UPF3A: variants seen among roughly 807,000 people sequenced by gnomAD.
The protein encoded by UPF3A is UPF3A regulator of nonsense mediated mRNA decay, also known as regulator of nonsense transcripts 3A.
Under a neutral mutation model 53.5 loss-of-function variants are expected in UPF3A, and 42 were observed. The observed-to-expected ratio is 0.78, with a 90% CI of 0.61 to 1.01. The LOEUF is 1.01. UPF3A is among the 50% of genes least tolerant of loss of function. The pLI is 0.00. For synonymous variants in UPF3A, 237 were observed against 225.3 expected (o/e 1.05, Z -0.47); for missense variants, 575 against 598.0 (o/e 0.96, Z 0.40).
chr13:114,296,055 C>T (rs1040695836), intron 7 of UPF3A, among the ~76,000 whole-genome samples: 6 of 152,170 alleles, frequency 3.9e-5, no homozygotes, highest in Non-Finnish European at 8.8e-5. Context: ...TAATCAGTCA[C>T]ACCTACATAA....
chr13:114,286,273 G>T (rs1290013236), intron 3 of UPF3A, 29 bp from the exon 4 acceptor site: 1 of 1,608,374 alleles, frequency 6.2e-7, no homozygotes, highest in South Asian at 1.1e-5. Context: ...ATTTCAGAAT[G>T]GCTTCTGGAA....
At chr13:114,290,583 G>T (rs1201007675) in intron 5 of UPF3A, among the ~76,000 whole-genome samples, 1 of 152,130 alleles carries the variant, frequency 6.6e-6, no homozygotes, top group Non-Finnish European at 1.5e-5. Context: ...GCTTGCCTGG[G>T]CACCCACATC....
chr13:114,284,227 TG>T (rs1373378536), intron 3 of UPF3A: 1 of 226,446 alleles, frequency 4.4e-6, no homozygotes, highest in Non-Finnish European at 7.3e-6. Flanking sequence ...CCAGGCATGG[TG>T]GCAGGCGCCT....
At chr13:114,293,837 G>A (rs1051391559) in intron 7 of UPF3A, among the ~76,000 whole-genome samples, 3 of 152,158 alleles carry the variant, frequency 2.0e-5, no homozygotes, top group Admixed American at 6.5e-5. Context: ...AAACAGAAAA[G>A]TTGGCTGGGT....
At chr13:114,300,483 T>G (rs1316308794) in intron 8 of UPF3A, among the ~76,000 whole-genome samples, 2 of 152,112 alleles carry the variant, frequency 1.3e-5, no homozygotes, top group Non-Finnish European at 2.9e-5. Context: ...GCAATTCTGC[T>G]TCAGCCTCCC....
rs910248169 is a variant in UPF3A at position 114,304,941 on chromosome 13, A to G, written c.*24A>G. On this transcript the variant is annotated 3_prime_UTR_variant, in exon 10 of 10. Transcript: ENST00000375299. Reference sequence around the variant, plus strand: ...GAGTCACTGCACGCACCTGGCCTCCATGGACGAGCAAGGGCATCCCAGAAA... The same window carrying G: ...GAGTCACTGCACGCACCTGGCCTCCGTGGACGAGCAAGGGCATCCCAGAAA... 2 of 1,606,160 alleles carry G rather than the reference A, an allele frequency of 1.2e-6. No homozygotes were observed. The highest frequency in any genetic ancestry group is 1.7e-6 in the Non-Finnish European group (2 of 1,176,388).
rs371756841 is a variant in UPF3A, at chr13:114,304,927, C to T, written c.*10C>T. The T allele has an allele frequency of 1.9e-4, 310 of 1,610,758 alleles. No individual in the cohort carries two copies. The highest frequency in any genetic ancestry group is 8.8e-4 in the Middle Eastern group (5 of 5,680). On this transcript the variant is annotated 3_prime_UTR_variant, in exon 10 of 10. Transcript: ENST00000375299. The stretch of plus-strand genomic sequence containing the variant: ...GGAAGAGGCAGAGTGAGTCACTGCA[C>T]GCACCTGGCCTCCATGGACGAGCAA...
At chr13:114,283,138 C>T (rs2084297396) in intron 3 of UPF3A, 195 bp downstream of exon 3, 3 of 480,920 alleles carry the variant, frequency 6.2e-6, no homozygotes, top group Non-Finnish European at 1.1e-5. Flanking sequence ...CCTCCAGCCT[C>T]CTAGGTAGCA....
chr13:114,304,683 T>A, intron 9 of UPF3A, 106 bp from the exon 10 acceptor site: 1 of 1,471,234 alleles, frequency 6.8e-7, no homozygotes, highest in Non-Finnish European at 9.1e-7. Context: ...GCCTAGTTGA[T>A]TTTCTTTGGA....
intron 7 of UPF3A, among the ~76,000 whole-genome samples, chr13:114,294,757 A>G (rs535195332): frequency 5.4e-5 from 8 of 148,688 alleles, no homozygotes; most frequent in African/African-American, 2.0e-4. Context: ...CCTGGGAGGC[A>G]GAGGTTGCAG....
intron 3 of UPF3A, chr13:114,285,153 G>A (rs973823266): frequency 1.3e-5 from 2 of 152,332 alleles, no homozygotes; most frequent in Non-Finnish European, 1.5e-5. Context: ...TTCTGGCTGT[G>A]GATATCCAGT....
At chr13:114,283,792 C>T in intron 3 of UPF3A, 1 of 985,636 alleles carries the variant, frequency 1.0e-6, no homozygotes, top group Non-Finnish European at 1.2e-6. Context: ...GTCAGGCTGT[C>T]TGCTGTTGTG....
intron 8 of UPF3A, among the ~76,000 whole-genome samples, chr13:114,299,830 C>T (rs2086426667): frequency 1.3e-5 from 2 of 152,338 alleles, no homozygotes; most frequent in South Asian, 4.1e-4. Context: ...CCACTTGGCC[C>T]ACAGGGGATG....
chr13:114,281,826 A>C lies in UPF3A; in HGVS notation c.187A>C (p.Lys63Gln). The C allele has an allele frequency of 6.5e-7, 1 of 1,535,126 alleles. No individual in the cohort carries two copies. Among genetic ancestry groups the C allele is most frequent in the South Asian group, 1.2e-5 (1 of 83,402 alleles). The change falls in exon 1 of 10, where the codon AAG becomes CAG. Residue 63 changes from lysine (K) to glutamine (Q), a missense_variant. Transcript: ENST00000375299. ...GGGAGKPREEKRTALSKVVIR... is the reference protein window; with the variant it reads ...GGGAGKPREEQRTALSKVVIR... ...CGGTGCGGGCAAACCTCGCGAGGAGAAGAGGACGGCCCTGAGCAAGGTGGG... is the reference window on the plus strand; with the variant it reads ...CGGTGCGGGCAAACCTCGCGAGGAGCAGAGGACGGCCCTGAGCAAGGTGGG...
intron 7 of UPF3A, among the ~76,000 whole-genome samples, chr13:114,296,072 C>T (rs1245069408): frequency 6.6e-6 from 1 of 152,134 alleles, no homozygotes; most frequent in Non-Finnish European, 1.5e-5. Flanking sequence ...ATAATGAAAC[C>T]TTAATAATGC....
chr13:114,291,311 A>G (rs2085248482), intron 5 of UPF3A, among the ~76,000 whole-genome samples, 178 bp from the exon 6 acceptor site: 1 of 152,226 alleles, frequency 6.6e-6, no homozygotes, highest in African/African-American at 2.4e-5. Flanking sequence ...AATTGTTGAT[A>G]CTTTCAAATT....
rs746817955 is a variant in UPF3A at position 114,283,877 on chromosome 13, G to A, written c.421+934G>A. On this transcript the variant is annotated intron_variant, in intron 3 of 9. Coordinates refer to ENST00000375299, the MANE Select transcript of UPF3A (RefSeq NM_023011.4). ...CTCCCCTCCCCAGCCACCCTCTTCC[G>A]ACTCCACGTGTTTTGACACTGATGA... 874 of 985,212 alleles carry A rather than the reference G, an allele frequency of 8.9e-4. 1 individual carries two copies. The highest frequency in any genetic ancestry group is 9.9e-4 in the Non-Finnish European group (822 of 829,950). The allele number at this position is 985,212 out of a possible 1,614,324, so 61.0% of individuals were successfully genotyped here. A position where few individuals can be genotyped will look rare whatever the true frequency, so the allele number is the denominator to read the frequency against.
chr13:114,282,322 G>T (rs1390049802), intron 2 of UPF3A, 195 bp downstream of exon 2: 3 of 883,138 alleles, frequency 3.4e-6, no homozygotes, highest in Non-Finnish European at 4.9e-6. Context: ...CACAGATGTG[G>T]TTTACATGAA....
At chr13:114,283,092 C>T (rs995935625) in intron 3 of UPF3A, 149 bp downstream of exon 3, 10 of 593,008 alleles carry the variant, frequency 1.7e-5, no homozygotes, top group Non-Finnish European at 2.9e-5. Context: ...GCCGCAATCA[C>T]GGCTCACTGC....
Sources: gnomAD v4.1 joint callset for allele counts (sites outside exome capture counted in the v4.1 genomes callset) on GRCh38, gnomAD v4.1.1 for gene constraint, MANE v1.5 for transcripts, NCBI Gene and HGNC (gene_info 2026-07-23, HGNC 2026-07-21) for gene names.